The following SEC23IP variants were observed in gnomAD, a reference collection of about 807,000 sequenced individuals.
SEC23IP encodes SEC23 interacting protein.
In SEC23IP, 70 loss-of-function variants were observed where a neutral mutation model predicts 113.4. The ratio of observed to expected loss-of-function variants is 0.62; its 90% CI spans 0.51 to 0.75. The LOEUF (loss-of-function observed/expected upper bound fraction) is 0.75. Ranked by LOEUF, SEC23IP falls within the 30% of genes least tolerant of loss-of-function variation. The pLI is 0.00. For synonymous variants in SEC23IP, 398 were observed against 421.0 expected, an observed-to-expected ratio of 0.95 and a Z score of 0.67; for missense variants, 1,160 against 1,204.9, an observed-to-expected ratio of 0.96 and a Z score of 0.55.
chr10:119,900,942 CTATT>C (rs1230776741), intron 2 of SEC23IP, among the ~76,000 whole-genome samples: 2 of 143,862 alleles, frequency 1.4e-5, no homozygotes, highest in South Asian at 2.4e-4. Flanking sequence ...TTTCTATAAT[CTATT>C]TTTTTTTTGT....
Position 119,941,353 on chromosome 10 carries a change from A to G in SEC23IP, c.*788A>G, listed in dbSNP as rs1303643202. On this transcript the variant is annotated 3_prime_UTR_variant, in exon 19 of 19. Transcript: ENST00000369075. ...GTTGCTGAAGTTCCAATAATGTGAAAACCAAAGTAGAGGTTTTTTTCTTCT... is the reference window on the plus strand; with the variant it reads ...GTTGCTGAAGTTCCAATAATGTGAAGACCAAAGTAGAGGTTTTTTTCTTCT... 6.6e-6 allele frequency: 1 copy of G among 152,206 alleles called. No individual in the cohort carries two copies. Among genetic ancestry groups the G allele is most frequent in the East Asian group, 1.9e-4 (1 of 5,194 alleles). The allele number at this position is 152,206 out of a possible 1,614,324, so 9.4% of individuals were successfully genotyped here.
intron 18 of SEC23IP, among the ~76,000 whole-genome samples, chr10:119,936,710 G>T (rs929017976): frequency 9.9e-5 from 15 of 151,782 alleles, no homozygotes; most frequent in African/African-American, 3.6e-4. Flanking sequence ...TTGCTAATTT[G>T]ATAGCCAGAA....
rs539019267 is a variant in SEC23IP, at chr10:119,905,696, A to T, written c.1101+1419A>T. 2.0e-3 allele frequency among the ~76,000 whole-genome samples: 301 copies of T among 152,328 alleles called. 2 individuals carry two copies. The highest frequency in any genetic ancestry group is 3.7e-3 in the Non-Finnish European group (251 of 68,032). ...GGAGACAGAGAACACCTTTAATTTG[A>T]TGAAGACATGATTATTGTCTACGTG... On this transcript the variant is annotated intron_variant, in intron 4 of 18. Transcript: ENST00000369075.
At chr10:119,940,011 A>G (rs9787570) in intron 18 of SEC23IP, among the ~76,000 whole-genome samples, 7 of 151,302 alleles carry the variant, frequency 4.6e-5, no homozygotes, top group African/African-American at 1.7e-4. Context: ...CTAACTTTAA[A>G]TTGTGTCTTT....
chr10:119,898,157 T>C (rs1854343096), intron 1 of SEC23IP: 1 of 359,172 alleles, frequency 2.8e-6, no homozygotes, highest in Admixed American at 4.6e-5. Context: ...ATGTTAACAG[T>C]GTTAACAGCG....
Position 119,933,186 on chromosome 10 carries a change from G to A in SEC23IP, c.2921+19G>A. The A allele has an allele frequency of 6.2e-7, 1 of 1,609,298 alleles. No homozygotes were observed. Among genetic ancestry groups the A allele is most frequent in the Non-Finnish European group, 8.5e-7 (1 of 1,177,102 alleles). On this transcript the variant is annotated intron_variant, in intron 17 of 18. Coordinates refer to ENST00000369075, the MANE Select transcript of SEC23IP (RefSeq NM_007190.4). ...GCTATTGGTAAGTGTTCTTAAATTT[G>A]GTAACATTTGAGTGGGCTTTTGGTG...
chr10:119,942,853 A>G lies in SEC23IP; in HGVS notation c.*2288A>G, dbSNP rs1398592768. 2.6e-5 allele frequency: 4 copies of G among 152,222 alleles called. No individual in the cohort carries two copies. Among genetic ancestry groups the G allele is most frequent in the Non-Finnish European group, 5.9e-5 (4 of 68,044 alleles). The allele number at this position is 152,222 out of a possible 1,614,324, so 9.4% of individuals were successfully genotyped here. ...AAGCATGTTTTCTCAAAACCACAGTATAAGACAAGGAAACTGCACAGATTC... is the reference window on the plus strand; with the variant it reads ...AAGCATGTTTTCTCAAAACCACAGTGTAAGACAAGGAAACTGCACAGATTC... On this transcript the variant is annotated 3_prime_UTR_variant, in exon 19 of 19. Coordinates refer to ENST00000369075, the MANE Select transcript of SEC23IP (RefSeq NM_007190.4).
At chr10:119,933,204 T>C (rs1481768276) in intron 17 of SEC23IP, 37 bp downstream of exon 17, 1 of 1,583,812 alleles carries the variant, frequency 6.3e-7, no homozygotes, top group Non-Finnish European at 8.7e-7. Flanking sequence ...TTGAGTGGGC[T>C]TTTGGTGCTA....
chr10:119,936,304 A>G (rs539032769), intron 18 of SEC23IP, among the ~76,000 whole-genome samples: 1 of 152,222 alleles, frequency 6.6e-6, no homozygotes, highest in South Asian at 2.1e-4. Flanking sequence ...TCATGCCTGT[A>G]ATCCCAGTTT....
At chr10:119,933,535 C>T (rs1564926060) in intron 17 of SEC23IP, 151 bp from the exon 18 acceptor site, 5 of 603,254 alleles carry the variant, frequency 8.3e-6, no homozygotes, top group South Asian at 2.1e-5. Context: ...TGAGATTACG[C>T]TGCTTTATTT....
intron 1 of SEC23IP, among the ~76,000 whole-genome samples, chr10:119,893,547 T>A (rs1482614942): frequency 2.2e-5 from 3 of 134,054 alleles, no homozygotes; most frequent in African/African-American, 8.8e-5. Flanking sequence ...TGAGACGGAG[T>A]CTTGCTCTGT....
At chr10:119,897,323 T>G (rs529514099) in intron 1 of SEC23IP, among the ~76,000 whole-genome samples, 14 of 152,252 alleles carry the variant, frequency 9.2e-5, no homozygotes, top group Non-Finnish European at 1.8e-4. Flanking sequence ...AAGATGCTTT[T>G]ATTTTACAAC....
intron 16 of SEC23IP, 61 bp from the exon 17 acceptor site, chr10:119,932,944 C>T: frequency 2.7e-6 from 4 of 1,476,646 alleles, no homozygotes; most frequent in Non-Finnish European, 3.7e-6. Flanking sequence ...AGAAAGTCAG[C>T]TAAAGTCAAA....
chr10:119,896,544 C>G (rs902210945), intron 1 of SEC23IP, among the ~76,000 whole-genome samples: 14 of 152,184 alleles, frequency 9.2e-5, no homozygotes, highest in African/African-American at 3.1e-4. Context: ...AGTTCTGGAA[C>G]ACACGAGAAT....
chr10:119,912,246 A>C, intron 6 of SEC23IP, 82 bp downstream of exon 6: 1 of 1,451,852 alleles, frequency 6.9e-7, no homozygotes, highest in Non-Finnish European at 9.4e-7. Flanking sequence ...GAAGAAATAA[A>C]CAGTTATTAG....
chr10:119,924,324 C>A (rs1016755937), intron 12 of SEC23IP, among the ~76,000 whole-genome samples: 1 of 152,194 alleles, frequency 6.6e-6, no homozygotes, highest in Non-Finnish European at 1.5e-5. Context: ...GTCCCCCTCC[C>A]ACCCAACTGT....
intron 18 of SEC23IP, among the ~76,000 whole-genome samples, chr10:119,939,271 A>G (rs1231011637): frequency 6.6e-6 from 1 of 152,118 alleles, no homozygotes; most frequent in Non-Finnish European, 1.5e-5. Flanking sequence ...GTGAGCTGTG[A>G]TCGTACCACT....
intron 12 of SEC23IP, among the ~76,000 whole-genome samples, chr10:119,921,518 A>C (rs748721645): frequency 1.3e-5 from 2 of 152,216 alleles, no homozygotes; most frequent in African/African-American, 4.8e-5. Context: ...ACAGGATTGG[A>C]GTAAGCATGA....
chr10:119,922,441 G>A (rs1481610651), intron 12 of SEC23IP, among the ~76,000 whole-genome samples: 1 of 152,174 alleles, frequency 6.6e-6, no homozygotes, highest in East Asian at 1.9e-4. Flanking sequence ...ATTACAAAAT[G>A]CTGACCTGCT....
Sources: gnomAD v4.1 joint callset for allele counts (sites outside exome capture counted in the v4.1 genomes callset) on GRCh38, gnomAD v4.1.1 for gene constraint, MANE v1.5 for transcripts, NCBI Gene and HGNC (gene_info 2026-07-23, HGNC 2026-07-21) for gene names.